The following USH2A variants were observed in gnomAD, a reference collection of about 807,000 sequenced individuals.
USH2A encodes usherin, also known as Usher syndrome 2A (autosomal recessive, mild).
In USH2A, 443 loss-of-function variants were observed where a neutral mutation model predicts 538.9. That is an observed-to-expected ratio of 0.82 (90% CI 0.76 to 0.89). The LOEUF is 0.89. Among genes scored for constraint, USH2A ranks in the 40% least tolerant of loss-of-function variants. USH2A has a pLI of 0.00. For missense variants in USH2A, 6,633 were observed against 6,324.8 expected (o/e 1.05, Z -1.65); for synonymous variants, 2,413 against 2,273.5 (o/e 1.06, Z -1.75).
intron 11 of USH2A, among the ~76,000 whole-genome samples, chr1:216,271,726 T>C (rs2036581008): frequency 6.6e-6 from 1 of 152,012 alleles, no homozygotes; most frequent in Admixed American, 6.6e-5. Context: ...ATCATGAAAG[T>C]GTTTTGAATT....
chr1:216,056,335 T>C lies in USH2A; in HGVS notation c.6050-7688A>G, dbSNP rs1181652405. The stretch of plus-strand genomic sequence containing the variant: ...AAGAGGAAAAGAAAAGAAAGAGAAA[T>C]GAAAGTCATCCCTTATGATCAGTGT... On this transcript the variant is annotated intron_variant, in intron 30 of 71. Transcript: ENST00000307340. Among the ~76,000 whole-genome samples, 3 of 152,112 alleles carry C rather than the reference T, an allele frequency of 2.0e-5. No homozygotes were observed. The East Asian group carries it at 5.8e-4, about 29-fold the overall frequency.
chr1:215,782,212 A>T lies in USH2A; in HGVS notation c.10586-16T>A. 6.2e-7 allele frequency: 1 copy of T among 1,613,158 alleles called. No homozygotes were observed. Among genetic ancestry groups the T allele is most frequent in the Non-Finnish European group, 8.5e-7 (1 of 1,179,398 alleles). On this transcript the variant is annotated splice_polypyrimidine_tract_variant and intron_variant, in intron 53 of 71. Coordinates refer to ENST00000307340, the MANE Select transcript of USH2A (RefSeq NM_206933.4). ...ATAATAGGACCTAAAAGAAGCAGAA[A>T]AATGACTGCATTTGAATGTGATATC... is the stretch of plus-strand genomic sequence containing the variant.
In USH2A at chr1:216,253,205, A is replaced by G. The variant is rs540373377; in HGVS notation, c.1972-2107T>C. On this transcript the variant is annotated intron_variant, in intron 11 of 71. Transcript: ENST00000307340. ...CTCTTGAAAAATGATTGAAACAGAC[A>G]TTTAAAAATGCCTGCAAATTTGGAG... Among the ~76,000 whole-genome samples the G allele has an allele frequency of 2.4e-4, 36 of 150,766 alleles. No homozygotes were observed. The East Asian group carries it at 6.8e-3, about 29-fold the overall frequency.
intron 43 of USH2A, among the ~76,000 whole-genome samples, chr1:215,874,070 C>A (rs1664690813): frequency 1.3e-5 from 2 of 152,120 alleles, no homozygotes; most frequent in African/African-American, 4.8e-5. Flanking sequence ...TTGTTAGGTG[C>A]TGAAAATTGT....
intron 37 of USH2A, among the ~76,000 whole-genome samples, chr1:215,948,218 T>C (rs1484987709): frequency 1.3e-5 from 2 of 152,002 alleles, no homozygotes; most frequent in African/African-American, 4.8e-5. Context: ...TGAAACATGA[T>C]ATAAAGTCCT....
chr1:216,201,717 G>C (rs1244785206), intron 16 of USH2A: 1 of 215,710 alleles, frequency 4.6e-6, no homozygotes, highest in African/African-American at 2.3e-5. Context: ...ACTGACTCAG[G>C]TGAGGGCCAC....
chr1:215,628,628 G>C (rs1656144025), intron 71 of USH2A, among the ~76,000 whole-genome samples, 186 bp downstream of exon 71: 1 of 152,168 alleles, frequency 6.6e-6, no homozygotes, highest in Non-Finnish European at 1.5e-5. Context: ...AGAAGAACAA[G>C]ACAAAGTTTC....
At chr1:216,164,907 A>C (rs919630414) in intron 21 of USH2A, among the ~76,000 whole-genome samples, 14 of 152,148 alleles carry the variant, frequency 9.2e-5, no homozygotes, top group African/African-American at 3.4e-4. Flanking sequence ...CCTTACAATA[A>C]GCCATTTAAC....
intron 35 of USH2A, among the ~76,000 whole-genome samples, chr1:215,984,401 A>G (rs1353937541): frequency 6.6e-6 from 1 of 152,242 alleles, no homozygotes; most frequent in African/African-American, 2.4e-5. Flanking sequence ...TCAATGGATA[A>G]TCCACAAAAT....
chr1:216,005,391 T>A (rs1668368729), intron 32 of USH2A, among the ~76,000 whole-genome samples: 1 of 152,194 alleles, frequency 6.6e-6, no homozygotes, highest in Non-Finnish European at 1.5e-5. Context: ...TTCATTTATA[T>A]CTTGATATTA....
chr1:216,094,638 T>C (rs1312403154), intron 22 of USH2A, among the ~76,000 whole-genome samples: 3 of 152,232 alleles, frequency 2.0e-5, no homozygotes, highest in African/African-American at 7.2e-5. Flanking sequence ...TCTGTTATTT[T>C]TCCTTTTGGC....
intron 38 of USH2A, among the ~76,000 whole-genome samples, chr1:215,924,632 T>A: frequency 6.6e-6 from 1 of 151,538 alleles, no homozygotes; most frequent in African/African-American, 2.4e-5. Context: ...CTTAAAGTTA[T>A]GGATAAAGCC....
chr1:216,167,345 C>A (rs2034190746), intron 21 of USH2A, among the ~76,000 whole-genome samples: 1 of 152,038 alleles, frequency 6.6e-6, no homozygotes, highest in Admixed American at 6.6e-5. Flanking sequence ...GGCAGTCTCC[C>A]TATAGATAGA....
chr1:215,654,964 C>T (rs1176655297), intron 64 of USH2A, among the ~76,000 whole-genome samples: 1 of 152,220 alleles, frequency 6.6e-6, no homozygotes, highest in Non-Finnish European at 1.5e-5. Flanking sequence ...AATCACATTG[C>T]TGTGAAAACA....
intron 3 of USH2A, among the ~76,000 whole-genome samples, chr1:216,376,919 G>A (rs543503618): frequency 6.6e-6 from 1 of 152,184 alleles, no homozygotes; most frequent in South Asian, 2.1e-4. Flanking sequence ...AGTTATATCT[G>A]CTAAAATCTT....
At chr1:216,092,435 T>C (rs2032324343) in intron 22 of USH2A, among the ~76,000 whole-genome samples, 1 of 152,192 alleles carries the variant, frequency 6.6e-6, no homozygotes, top group Non-Finnish European at 1.5e-5. Context: ...ATTTAAAATA[T>C]AAATAAATGT....
intron 43 of USH2A, 52 bp downstream of exon 43, chr1:215,877,706 C>T (rs199804082): frequency 5.6e-6 from 9 of 1,611,002 alleles, no homozygotes; most frequent in Non-Finnish European, 7.6e-6. Context: ...AACTATTCAA[C>T]ATGCCCAGAA....
chr1:216,386,747 C>T (rs1436432074), intron 3 of USH2A, among the ~76,000 whole-genome samples: 1 of 150,422 alleles, frequency 6.6e-6, no homozygotes, highest in Non-Finnish European at 1.5e-5. Context: ...CCCAGCCACT[C>T]GGGAGGCTGA....
rs560541975 is a variant in USH2A at position 215,817,297 on chromosome 1, A to T, written c.9372-102T>A. 30 of 541,822 alleles carry T rather than the reference A, an allele frequency of 5.5e-5. 1 individual carries two copies. The South Asian group carries it at 1.1e-3, about 19-fold the overall frequency. 33.6% of individuals were successfully genotyped at this position (541,822 alleles called of 1,614,324 possible). Reference sequence around the variant, plus strand: ...GGCAGCAATAGATACTAATATATATATATAATTATATATGTTTATATATGA... The same window carrying T: ...GGCAGCAATAGATACTAATATATATTTATAATTATATATGTTTATATATGA... On this transcript the variant is annotated intron_variant, in intron 47 of 71. Coordinates refer to ENST00000307340, the MANE Select transcript of USH2A (RefSeq NM_206933.4).
Sources: gnomAD v4.1 joint callset for allele counts (sites outside exome capture counted in the v4.1 genomes callset) on GRCh38, gnomAD v4.1.1 for gene constraint, MANE v1.5 for transcripts, NCBI Gene and HGNC (gene_info 2026-07-23, HGNC 2026-07-21) for gene names.